Variants in SLC4A8 observed in about 807,000 individuals in gnomAD.
SLC4A8 encodes electroneutral sodium bicarbonate exchanger 1.
Under a neutral mutation model 125.0 loss-of-function variants are expected in SLC4A8, and 40 were observed. That is an observed-to-expected ratio of 0.32 (90% confidence interval 0.25 to 0.42). SLC4A8 has a LOEUF of 0.42. SLC4A8 is among the 10% of genes least tolerant of loss of function. The pLI, the probability that SLC4A8 is intolerant of heterozygous loss-of-function variation, is 1.00. For synonymous variants in SLC4A8, 456 were observed against 476.0 expected, an observed-to-expected ratio of 0.96 and a Z score of 0.55; for missense variants, 863 against 1,355.1, an observed-to-expected ratio of 0.64 and a Z score of 5.70.
chr12:51,472,596 T>C (rs1467008077), intron 14 of SLC4A8, among the ~76,000 whole-genome samples: 5 of 152,208 alleles, frequency 3.3e-5, no homozygotes, highest in Non-Finnish European at 5.9e-5. Flanking sequence ...AAATATTTAT[T>C]GAGCACCTAT....
At chr12:51,469,825 A>G in intron 12 of SLC4A8, 37 bp downstream of exon 12, 1 of 1,602,808 alleles carries the variant, frequency 6.2e-7, no homozygotes, top group Non-Finnish European at 8.5e-7. Context: ...ATCCCAAACA[A>G]GACCTAAAAT....
chr12:51,510,865 G>A lies in SLC4A8; in HGVS notation c.*3427G>A, dbSNP rs1938343675. ...TGATTTCCTGTCATCCTCGTGGTCT[G>A]ACATTGCTTCTCACTGGATACTGGT... On this transcript the variant is annotated 3_prime_UTR_variant, in exon 25 of 25. Coordinates refer to ENST00000453097, the MANE Select transcript of SLC4A8 (RefSeq NM_001039960.3). The A allele has an allele frequency of 6.6e-6, 1 of 152,254 alleles. No individual in the cohort carries two copies. Among genetic ancestry groups the A allele is most frequent in the Non-Finnish European group, 1.5e-5 (1 of 68,078 alleles). 9.4% of individuals were successfully genotyped at this position (152,254 alleles called of 1,614,324 possible). A position where few individuals can be genotyped will look rare whatever the true frequency, so the allele number is the denominator to read the frequency against.
In SLC4A8 at chr12:51,491,740, G is replaced by GACACAC. The variant is rs35694156; in HGVS notation, c.2700+1822_2700+1827dup. ...CTCCACCCCTGTCTGGGGATGGGCA[G>GACACAC]ACACACACACACACACACACACACA... On this transcript the variant is annotated intron_variant, in intron 19 of 24. Transcript: ENST00000453097. 9.5e-3 allele frequency among the ~76,000 whole-genome samples: 1,390 copies of GACACAC among 145,982 alleles called. 22 individuals are homozygous for GACACAC. Among genetic ancestry groups the GACACAC allele is most frequent in the African/African-American group, 0.021 (816 of 39,362 alleles).
intron 1 of SLC4A8, 24 bp downstream of exon 1, chr12:51,425,059 C>G: frequency 6.5e-7 from 1 of 1,544,952 alleles, no homozygotes; most frequent in Non-Finnish European, 8.7e-7. Context: ...TCCCGCGCCT[C>G]CCGCTCCTCC....
intron 1 of SLC4A8, among the ~76,000 whole-genome samples, chr12:51,396,341 G>A (rs1565746919): frequency 6.6e-6 from 1 of 152,194 alleles, no homozygotes; most frequent in South Asian, 2.1e-4. Context: ...GACACCCATA[G>A]TTTGTCAGGG....
At position 51,450,943 on chromosome 12, in the gene SLC4A8, T is replaced by G; in HGVS notation, c.198T>G (p.Thr66=). 6.2e-7 allele frequency: 1 copy of G among 1,606,990 alleles called. No homozygotes were observed. Reference sequence around the variant, plus strand: ...GGCAGAGCCATCGGCATCACCGCACTCATGGCCAGAAGCACCGGAGACGAG... The same window carrying G: ...GGCAGAGCCATCGGCATCACCGCACGCATGGCCAGAAGCACCGGAGACGAG... The part of the protein sequence containing the change: ...LGRQSHRHHR[T]HGQKHRRRGR... Residue 66 remains threonine (T), a synonymous_variant, in exon 3 of 25, where the codon ACT becomes ACG. Transcript: ENST00000453097.
At chr12:51,500,037 A>G (rs1265067510) in intron 22 of SLC4A8, among the ~76,000 whole-genome samples, 2 of 152,214 alleles carry the variant, frequency 1.3e-5, no homozygotes, top group African/African-American at 4.8e-5. Flanking sequence ...TAGAGCTGAC[A>G]GGTTTTGCTA....
intron 17 of SLC4A8, 37 bp downstream of exon 17, chr12:51,485,937 A>AT (rs1334154502): frequency 8.7e-7 from 1 of 1,151,846 alleles, no homozygotes. Context: ...CACTCATGTA[A>AT]TTTCATACAT....
In SLC4A8 at chr12:51,509,590, AT is replaced by A. The variant is rs1206283568; in HGVS notation, c.*2155del. 1 of 151,724 alleles carries A rather than the reference AT, an allele frequency of 6.6e-6. No homozygotes were observed. Among genetic ancestry groups the A allele is most frequent in the Non-Finnish European group, 1.5e-5 (1 of 67,950 alleles). 9.4% of individuals were successfully genotyped at this position (151,724 alleles called of 1,614,324 possible). The stretch of plus-strand genomic sequence containing the variant: ...CCTCTGTGTGGGGAGGTTGATGACC[AT>A]TTCACCTCTTTCCCTAGCCTCAGCA... On this transcript the variant is annotated 3_prime_UTR_variant, in exon 25 of 25. Coordinates refer to ENST00000453097, the MANE Select transcript of SLC4A8 (RefSeq NM_001039960.3).
At chr12:51,391,632 C>CGCGCG (rs1410535986) in intron 1 of SLC4A8, 6 of 152,316 alleles carry the variant, frequency 3.9e-5, no homozygotes. Context: ...GCAGCCGCGC[C>CGCGCG]GCGGGGTGGC....
chr12:51,457,180 G>A (rs139354728), intron 5 of SLC4A8, among the ~76,000 whole-genome samples, 171 bp from the exon 6 acceptor site: 1,638 of 152,286 alleles, frequency 0.011, 21 homozygotes, highest in South Asian at 0.021. Flanking sequence ...ACTTTTCACA[G>A]TCACTATCAT....
intron 15 of SLC4A8, chr12:51,474,681 A>G (rs1950810004): frequency 1.5e-6 from 1 of 667,170 alleles, no homozygotes; most frequent in South Asian, 2.6e-5. Context: ...GTGACCCTGC[A>G]CTAAGGATAG....
chr12:51,425,014 G>C lies in SLC4A8; in HGVS notation c.27G>C (p.Pro9=). 1 of 1,556,708 alleles carries C rather than the reference G, an allele frequency of 6.4e-7. No homozygotes were observed. Among genetic ancestry groups the C allele is most frequent in the Non-Finnish European group, 8.7e-7 (1 of 1,150,854 alleles). Residue 9 remains proline (P), a synonymous_variant, in exon 1 of 25, where the codon CCG becomes CCC. Transcript: ENST00000453097. MPAAGSNE[P]DGVLSYQRPD... is the part of the protein sequence containing the mutation. The stretch of plus-strand genomic sequence containing the variant: ...TGCCGGCCGCCGGGAGTAACGAGCC[G>C]GACGGCGTCCTCAGCTATCAGGTAG...
intron 16 of SLC4A8, chr12:51,480,500 A>G: frequency 9.7e-7 from 1 of 1,031,590 alleles, no homozygotes; most frequent in Non-Finnish European, 1.2e-6. Flanking sequence ...ATAATTGTGA[A>G]GTTCTCACTG....
At chr12:51,415,582 C>T (rs906004750) in intron 1 of SLC4A8, among the ~76,000 whole-genome samples, 1 of 151,954 alleles carries the variant, frequency 6.6e-6, no homozygotes, top group African/African-American at 2.4e-5. Context: ...AAGCTCTTCT[C>T]AGAATAATGT....
At chr12:51,481,230 C>A (rs1951018817) in intron 16 of SLC4A8, among the ~76,000 whole-genome samples, 2 of 152,008 alleles carry the variant, frequency 1.3e-5, no homozygotes, top group South Asian at 4.1e-4. Context: ...GTGTCCCCAC[C>A]CCGTTTCTAT....
intron 9 of SLC4A8, chr12:51,461,914 C>T: frequency 4.7e-6 from 1 of 211,446 alleles, no homozygotes; most frequent in Non-Finnish European, 9.5e-6. Context: ...CAGGAAGGAC[C>T]TTCATTAGTA....
chr12:51,449,654 A>G (rs1213310937), intron 2 of SLC4A8, among the ~76,000 whole-genome samples: 1 of 152,092 alleles, frequency 6.6e-6, no homozygotes, highest in African/African-American at 2.4e-5. Context: ...AGCAGCCCCA[A>G]ATTCTGGGCT....
rs373528035 is a variant in SLC4A8, at chr12:51,440,802, A to G, written c.130+13A>G. The G allele has an allele frequency of 1.4e-5, 23 of 1,598,234 alleles. No homozygotes were observed. Among genetic ancestry groups the G allele is most frequent in the African/African-American group, 2.7e-5 (2 of 73,918 alleles). Reference sequence around the variant, plus strand: ...GAAGAGCTGGAAGGTAAGAACTGCCATGCTGTGTGATCAGGGAAATTGGTG... The same window carrying G: ...GAAGAGCTGGAAGGTAAGAACTGCCGTGCTGTGTGATCAGGGAAATTGGTG... On this transcript the variant is annotated intron_variant, in intron 2 of 24. Transcript: ENST00000453097.
Sources: gnomAD v4.1 joint callset for allele counts (sites outside exome capture counted in the v4.1 genomes callset) on GRCh38, gnomAD v4.1.1 for gene constraint, MANE v1.5 for transcripts, NCBI Gene and HGNC (gene_info 2026-07-23, HGNC 2026-07-21) for gene names.